SCAF8: variants seen among roughly 807,000 people sequenced by gnomAD.
SCAF8 encodes the protein SR-related and CTD-associated factor 8.
A neutral mutation model predicts 140.5 loss-of-function variants in SCAF8; 23 were observed. The observed-to-expected ratio is 0.16, with a 90% CI of 0.12 to 0.23. SCAF8 has a LOEUF of 0.23. Ranked by LOEUF, SCAF8 falls within the 10% of genes least tolerant of loss-of-function variation. The probability of loss-of-function intolerance (pLI) is 1.00; values close to 1 mark genes in which losing one functional copy is unlikely to be tolerated. For missense variants in SCAF8, 1,397 were observed against 1,555.7 expected, an observed-to-expected ratio of 0.90 and a Z score of 1.72; for synonymous variants, 575 against 528.9, an observed-to-expected ratio of 1.09 and a Z score of -1.20.
chr6:154,767,013 G>A (rs976589383), intron 1 of SCAF8, among the ~76,000 whole-genome samples: 2 of 152,102 alleles, frequency 1.3e-5, no homozygotes, highest in East Asian at 1.9e-4. Flanking sequence ...CTACTTTGAT[G>A]CCTTCATTGT....
intron 14 of SCAF8, 131 bp downstream of exon 14, chr6:154,818,723 A>G: frequency 2.3e-6 from 1 of 429,244 alleles, no homozygotes; most frequent in East Asian, 3.7e-5. Flanking sequence ...TCTCTGTATT[A>G]TATTCTTTTT....
rs1554264177 is a variant in SCAF8, at chr6:154,827,838, G to GGC, written c.2140+599_2140+600insCG. On this transcript the variant is annotated intron_variant, in intron 18 of 19. Coordinates refer to ENST00000367178, the MANE Select transcript of SCAF8 (RefSeq NM_014892.5). ...CACACCTTTTTTGGGGCGGGGCGGG[G>GGC]GGGGGGGCGGTGTAAAACTTTATTT... is the stretch of plus-strand genomic sequence containing the variant. Among the ~76,000 whole-genome samples, 71 of 150,994 alleles carry GGC rather than the reference G, an allele frequency of 4.7e-4. 3 individuals are homozygous for GGC. Among genetic ancestry groups the GGC allele is most frequent in the South Asian group, 3.8e-3 (18 of 4,712 alleles).
intron 2 of SCAF8, 136 bp downstream of exon 2, chr6:154,774,208 AAAG>A (rs1562439138): frequency 3.1e-6 from 2 of 639,486 alleles, no homozygotes; most frequent in African/African-American, 3.7e-5. Flanking sequence ...AAAACACAAA[AAAG>A]AAAATCTGTC....
chr6:154,743,428 C>T (rs1348792353), intron 1 of SCAF8, among the ~76,000 whole-genome samples: 1 of 152,184 alleles, frequency 6.6e-6, no homozygotes, highest in East Asian at 1.9e-4. Context: ...TTTTAAAAAG[C>T]AACTATTCTT....
intron 17 of SCAF8, among the ~76,000 whole-genome samples, 196 bp downstream of exon 17, chr6:154,824,574 T>G (rs2114682634): frequency 6.6e-6 from 1 of 152,282 alleles, no homozygotes; most frequent in Admixed American, 6.5e-5. Flanking sequence ...GAATTTTATT[T>G]TCTAACTTGT....
intron 1 of SCAF8, among the ~76,000 whole-genome samples, chr6:154,772,686 CTCAATCAA>C (rs537232418): frequency 8.5e-5 from 13 of 152,076 alleles, no homozygotes; most frequent in African/African-American, 2.2e-4. Flanking sequence ...GAGACCCTGT[CTCAATCAA>C]TCAATCAATC....
In SCAF8 at chr6:154,830,900, T is replaced by C. The variant is rs1054870111; in HGVS notation, c.2141-22T>C. 7 of 1,584,002 alleles carry C rather than the reference T, an allele frequency of 4.4e-6. No individual in the cohort carries two copies. The South Asian group carries it at 4.4e-5, about 10-fold the overall frequency. On this transcript the variant is annotated intron_variant, in intron 18 of 19. Coordinates refer to ENST00000367178, the MANE Select transcript of SCAF8 (RefSeq NM_014892.5). ...GAATTGACTCATTAAATCTGAAATA[T>C]ATTTTTCTCCTCTTTAAACAGCTTT...
chr6:154,828,802 G>GA (rs372798880), intron 18 of SCAF8, among the ~76,000 whole-genome samples: 41 of 151,976 alleles, frequency 2.7e-4, no homozygotes, highest in Non-Finnish European at 4.6e-4. Flanking sequence ...ATTTTGAACA[G>GA]AAAAAAATGA....
At chr6:154,757,717 A>C (rs1779001479) in intron 1 of SCAF8, among the ~76,000 whole-genome samples, 1 of 152,208 alleles carries the variant, frequency 6.6e-6, no homozygotes, top group Non-Finnish European at 1.5e-5. Flanking sequence ...ATAGATGGAA[A>C]GATGGATAGA....
Position 154,833,204 on chromosome 6 carries a change from G to A in SCAF8, c.3625G>A (p.Asp1209Asn). The A allele has an allele frequency of 6.2e-7, 1 of 1,614,072 alleles. No homozygotes were observed. Among genetic ancestry groups the A allele is most frequent in the African/African-American group, 1.3e-5 (1 of 75,040 alleles). Residue 1209 changes from aspartate (D) to asparagine (N), a missense_variant, in exon 20 of 20, where the codon GAT (aspartate) becomes AAT (asparagine). By Grantham distance (23) the Asp-to-Asn change is conservative. Transcript: ENST00000367178. ...FEGATSQRKG[D>N]NVPQVNGENT... ...AGGGGCCACTTCTCAACGAAAAGGT[G>A]ATAATGTGCCTCAGGTTAATGGTGA...
At chr6:154,831,715 A>T (rs1035276202) in intron 19 of SCAF8, among the ~76,000 whole-genome samples, 16 of 85,828 alleles carry the variant, frequency 1.9e-4, no homozygotes, top group African/African-American at 7.5e-4. Context: ...AAAAAAAAAA[A>T]AAAAAAAAAA....
At chr6:154,776,996 C>G (rs1776934583) in intron 2 of SCAF8, among the ~76,000 whole-genome samples, 2 of 152,174 alleles carry the variant, frequency 1.3e-5, no homozygotes. Context: ...GCCTGGCCAA[C>G]ATGGCGAAAC....
intron 1 of SCAF8, among the ~76,000 whole-genome samples, chr6:154,740,836 G>GT (rs886189116): frequency 2.0e-5 from 3 of 152,010 alleles, no homozygotes; most frequent in African/African-American, 7.2e-5. Flanking sequence ...CCAGGCTGGT[G>GT]TAGAACTCCT....
At chr6:154,736,241 T>TC (rs1778415506) in intron 1 of SCAF8, among the ~76,000 whole-genome samples, 2 of 138,074 alleles carry the variant, frequency 1.4e-5, no homozygotes, top group South Asian at 4.7e-4. Context: ...AATGTGGTCC[T>TC]CCCCCTCAAA....
intron 1 of SCAF8, among the ~76,000 whole-genome samples, chr6:154,770,622 A>T (rs1380482371): frequency 6.6e-6 from 1 of 152,096 alleles, no homozygotes; most frequent in Non-Finnish European, 1.5e-5. Context: ...TGGGATCCTA[A>T]TTCTTGTCGA....
intron 3 of SCAF8, among the ~76,000 whole-genome samples, chr6:154,783,796 A>G (rs988642471): frequency 3.3e-5 from 5 of 152,140 alleles, no homozygotes; most frequent in African/African-American, 1.2e-4. Context: ...AGCTAGGTGC[A>G]GTGGCTCACG....
chr6:154,761,362 C>T (rs1776394431), intron 1 of SCAF8, among the ~76,000 whole-genome samples: 1 of 151,864 alleles, frequency 6.6e-6, no homozygotes, highest in Non-Finnish European at 1.5e-5. Context: ...GGCGGGTGCC[C>T]ATAATCCCAG....
intron 3 of SCAF8, among the ~76,000 whole-genome samples, chr6:154,783,555 T>C (rs770895955): frequency 3.9e-5 from 6 of 152,234 alleles, no homozygotes; most frequent in Non-Finnish European, 7.3e-5. Context: ...AAGTTACATT[T>C]ACTTTGTAAA....
chr6:154,832,309 T>G lies in SCAF8; in HGVS notation c.2730T>G (p.Pro910=), dbSNP rs1416784846. ...QPPAGPQNLP[P]LSIPNQRMPT... is the part of the protein sequence containing the mutation. ...CAGCTGGACCTCAAAACTTACCCCC[T>G]TTAAGTATCCCTAATCAAAGGATGC... is the stretch of plus-strand genomic sequence containing the variant. Residue 910 remains proline, a synonymous_variant, in exon 20 of 20, where the codon CCT becomes CCG. Transcript: ENST00000367178. 1 of 1,614,010 alleles carries G rather than the reference T, an allele frequency of 6.2e-7. No individual in the cohort carries two copies. Among genetic ancestry groups the G allele is most frequent in the African/African-American group, 1.3e-5 (1 of 75,020 alleles).
Sources: gnomAD v4.1 joint callset for allele counts (sites outside exome capture counted in the v4.1 genomes callset) on GRCh38, gnomAD v4.1.1 for gene constraint, MANE v1.5 for transcripts, NCBI Gene and HGNC (gene_info 2026-07-23, HGNC 2026-07-21) for gene names.